Variants in KHDRBS2 observed in about 807,000 individuals in gnomAD.
The protein encoded by KHDRBS2 is KH RNA binding domain containing, signal transduction associated 2, also known as KH domain-containing, RNA-binding, signal transduction-associated protein 2.
Under a neutral mutation model 44.3 loss-of-function variants are expected in KHDRBS2, and 26 were observed. The observed-to-expected ratio is 0.59, with a 90% CI of 0.43 to 0.81. KHDRBS2 has a LOEUF of 0.81. KHDRBS2 is among the 40% of genes least tolerant of loss of function. The probability of loss-of-function intolerance (pLI) is 0.00; values close to 1 mark genes in which losing one functional copy is unlikely to be tolerated. For missense variants in KHDRBS2, 476 were observed against 433.1 expected (o/e 1.10, Z -0.88); for synonymous variants, 194 against 151.1 (o/e 1.28, Z -2.08).
intron 6 of KHDRBS2, among the ~76,000 whole-genome samples, chr6:61,852,361 C>T (rs562384089): frequency 5.3e-5 from 8 of 151,906 alleles, no homozygotes; most frequent in African/African-American, 4.8e-5. Flanking sequence ...GTGAAGAGAT[C>T]GAGACAATCC....
intron 2 of KHDRBS2, among the ~76,000 whole-genome samples, chr6:62,082,310 G>GGTGT (rs142069290): frequency 0.16 from 23,763 of 148,636 alleles, 2,058 homozygotes; most frequent in African/African-American, 0.22. Context: ...AATACACACT[G>GGTGT]GTGTGTGTGT....
intron 1 of KHDRBS2, 88 bp downstream of exon 1, chr6:62,285,770 A>G (rs1585628806): frequency 2.4e-6 from 2 of 819,776 alleles, no homozygotes; most frequent in East Asian, 5.6e-5. Flanking sequence ...CGGGGAGAGG[A>G]GTCCCTCCCC....
chr6:62,090,777 A>G (rs571515744), intron 2 of KHDRBS2, among the ~76,000 whole-genome samples: 2 of 152,234 alleles, frequency 1.3e-5, no homozygotes, highest in African/African-American at 4.8e-5. Context: ...TTTTTTTCCA[A>G]TGAACTCAAT....
At chr6:62,068,090 T>G (rs955328286) in intron 2 of KHDRBS2, among the ~76,000 whole-genome samples, 6 of 151,540 alleles carry the variant, frequency 4.0e-5, no homozygotes, top group Non-Finnish European at 5.9e-5. Context: ...GAATTCTAAG[T>G]TTAACATTTT....
chr6:62,210,669 A>G (rs1002229871), intron 1 of KHDRBS2, among the ~76,000 whole-genome samples: 4 of 152,162 alleles, frequency 2.6e-5, no homozygotes, highest in Middle Eastern at 3.2e-3. Context: ...TAAATATCTT[A>G]TTTATTCACA....
Position 62,047,858 on chromosome 6 carries a change from T to A in KHDRBS2, c.336+20A>T, listed in dbSNP as rs1426046612. ...GGTAACCTCCTGAATGTGGTAAATATTAGATTCAAAGTTCAGTACCTTAGC... is the reference window on the plus strand; with the variant it reads ...GGTAACCTCCTGAATGTGGTAAATAATAGATTCAAAGTTCAGTACCTTAGC... On this transcript the variant is annotated intron_variant, in intron 3 of 8. Transcript: ENST00000281156. 6 of 1,484,490 alleles carry A rather than the reference T, an allele frequency of 4.0e-6. No individual in the cohort carries two copies. The East Asian group carries it at 1.4e-4, about 34-fold the overall frequency. The allele number at this position is 1,484,490 out of a possible 1,614,324, so 92.0% of individuals were successfully genotyped here. A position where few individuals can be genotyped will look rare whatever the true frequency, so the allele number is the denominator to read the frequency against.
chr6:61,622,225 C>T, the KHDRBS2 span, among the ~76,000 whole-genome samples: 4 of 152,336 alleles, frequency 2.6e-5, no homozygotes, highest in East Asian at 7.7e-4. Flanking sequence ...AAGGTGTTCA[C>T]ATCTCTCTAT....
intron 3 of KHDRBS2, among the ~76,000 whole-genome samples, chr6:61,990,525 A>G (rs570584189): frequency 3.9e-5 from 6 of 152,176 alleles, no homozygotes; most frequent in Non-Finnish European, 7.3e-5. Flanking sequence ...AAGAGCTCAT[A>G]CAAGCTTCTA....
rs751505584 is a variant in KHDRBS2, at chr6:61,732,724, G to T, written c.851C>A (p.Thr284Asn). The T allele has an allele frequency of 1.2e-6, 2 of 1,611,918 alleles. No homozygotes were observed. The highest frequency in any genetic ancestry group is 1.3e-5 in the African/African-American group (1 of 74,810). Residue 284 changes from threonine to asparagine, a missense_variant, in exon 7 of 9, where the codon ACC (threonine) becomes AAC (asparagine). By Grantham distance (65) the Thr-to-Asn change is moderately conservative (BLOSUM62 0). Transcript: ENST00000281156. ...ATAGCTGTTATCATAAGTCTCATAG[G>T]TCTGGTCATCATATTCACCCCCGTA... ...DGYGGEYDDQ[T>N]YETYDNSYAT... is the part of the protein sequence containing the mutation.
rs1401249131 is a variant in KHDRBS2 at position 62,212,185 on chromosome 6, T to C, written c.92-34873A>G. ...CTAAGTCAAATTCAATGTAGAACTT[T>C]CATCTCCTATATATGTTACATATAT... On this transcript the variant is annotated intron_variant, in intron 1 of 8. Transcript: ENST00000281156. Among the ~76,000 whole-genome samples the C allele has an allele frequency of 8.5e-5, 13 of 152,160 alleles. 1 individual carries two copies. The highest frequency in any genetic ancestry group is 2.9e-5 in the Non-Finnish European group (2 of 68,016).
At chr6:61,756,664 C>T (rs1394588301) in intron 6 of KHDRBS2, among the ~76,000 whole-genome samples, 3 of 152,152 alleles carry the variant, frequency 2.0e-5, no homozygotes, top group African/African-American at 7.2e-5. Flanking sequence ...GTGCATTTTG[C>T]TAAATGGTTA....
At chr6:61,775,495 A>G (rs1241592245) in intron 6 of KHDRBS2, among the ~76,000 whole-genome samples, 1 of 152,224 alleles carries the variant, frequency 6.6e-6, no homozygotes, top group African/African-American at 2.4e-5. Context: ...TTATACAGCA[A>G]TAACAGACAA....
chr6:61,742,153 A>G (rs1776223431), intron 6 of KHDRBS2, among the ~76,000 whole-genome samples: 1 of 151,984 alleles, frequency 6.6e-6, no homozygotes. Flanking sequence ...GTGATTTGCA[A>G]ATGCTGCCCT....
At chr6:61,635,015 T>C in the KHDRBS2 span, among the ~76,000 whole-genome samples, 3 of 152,066 alleles carry the variant, frequency 2.0e-5, no homozygotes, top group African/African-American at 7.2e-5. Flanking sequence ...AAACTAGTTT[T>C]CTTTTTTTAA....
At chr6:61,779,147 C>G (rs1782550905) in intron 6 of KHDRBS2, among the ~76,000 whole-genome samples, 1 of 152,114 alleles carries the variant, frequency 6.6e-6, no homozygotes, top group South Asian at 2.1e-4. Context: ...ATACAACTTC[C>G]TCTATTCAGA....
At chr6:61,588,339 C>T in the KHDRBS2 span, among the ~76,000 whole-genome samples, 1 of 152,172 alleles carries the variant, frequency 6.6e-6, no homozygotes, top group Admixed American at 6.5e-5. Context: ...TCTCTCCCTT[C>T]CTCTACCTTC....
chr6:61,760,528 G>C (rs974929654), intron 6 of KHDRBS2, among the ~76,000 whole-genome samples: 2 of 152,022 alleles, frequency 1.3e-5, no homozygotes, highest in Non-Finnish European at 2.9e-5. Flanking sequence ...AGCTACTTGG[G>C]AGGCTGGTGG....
chr6:61,837,488 G>T (rs1358265964), intron 6 of KHDRBS2, among the ~76,000 whole-genome samples: 1 of 151,966 alleles, frequency 6.6e-6, no homozygotes, highest in Non-Finnish European at 1.5e-5. Flanking sequence ...TAAGCAGCAA[G>T]CTTTATTGTA....
chr6:62,066,570 C>T (rs1032682426), intron 2 of KHDRBS2, among the ~76,000 whole-genome samples: 2 of 151,594 alleles, frequency 1.3e-5, no homozygotes, highest in Non-Finnish European at 3.0e-5. Flanking sequence ...GTATGTTGTG[C>T]TTACATGTGC....
Sources: gnomAD v4.1 joint callset for allele counts (sites outside exome capture counted in the v4.1 genomes callset) on GRCh38, gnomAD v4.1.1 for gene constraint, MANE v1.5 for transcripts, NCBI Gene and HGNC (gene_info 2026-07-23, HGNC 2026-07-21) for gene names.